CTNNA3: variants seen among roughly 807,000 people sequenced by gnomAD.
CTNNA3 encodes catenin alpha-3.
Under a neutral mutation model 95.7 loss-of-function variants are expected in CTNNA3, and 76 were observed. The ratio of observed to expected loss-of-function variants is 0.79; its 90% CI spans 0.66 to 0.96. The LOEUF (loss-of-function observed/expected upper bound fraction) is 0.96, where lower values mean the gene tolerates loss of function less well. Among genes scored for constraint, CTNNA3 ranks in the 40% least tolerant of loss-of-function variants. The pLI is 0.00. For missense variants in CTNNA3, 1,191 were observed against 1,089.8 expected (o/e 1.09, Z -1.31); for synonymous variants, 431 against 374.4 (o/e 1.15, Z -1.74).
intron 7 of CTNNA3, among the ~76,000 whole-genome samples, chr10:67,014,848 GGTCAGAGAGAT>G (rs1852559234): frequency 6.6e-6 from 1 of 151,664 alleles, no homozygotes. Flanking sequence ...GTAGAAAAAT[GGTCAGAGAGAT>G]GTATACATAC....
At chr10:66,541,369 A>T (rs765670513) in intron 10 of CTNNA3, among the ~76,000 whole-genome samples, 7 of 152,168 alleles carry the variant, frequency 4.6e-5, no homozygotes. Context: ...CATTTGCAAG[A>T]ATATTCGTGT....
intron 15 of CTNNA3, among the ~76,000 whole-genome samples, chr10:66,024,170 A>G (rs2079288863): frequency 7.1e-6 from 1 of 141,610 alleles, no homozygotes; most frequent in Middle Eastern, 3.7e-3. Context: ...GCTCACCGCA[A>G]GCTCCGCCTC....
At chr10:67,391,278 C>G (rs1271548572) in intron 5 of CTNNA3, among the ~76,000 whole-genome samples, 2 of 151,598 alleles carry the variant, frequency 1.3e-5, no homozygotes, top group Non-Finnish European at 2.9e-5. Context: ...AACAGAGACC[C>G]AAATCATGAG....
chr10:66,235,669 T>C (rs1037981), intron 13 of CTNNA3, among the ~76,000 whole-genome samples: 1,712 of 152,162 alleles, frequency 0.011, 27 homozygotes, highest in African/African-American at 0.039. Context: ...TTTAGTTAAA[T>C]TGGAAGCAAG....
intron 3 of CTNNA3, among the ~76,000 whole-genome samples, chr10:67,540,359 C>T (rs1304548131): frequency 6.6e-6 from 1 of 151,906 alleles, no homozygotes; most frequent in Non-Finnish European, 1.5e-5. Context: ...ATAATTACCA[C>T]ATCCACTATT....
chr10:67,366,892 G>C (rs1188885432), intron 5 of CTNNA3, among the ~76,000 whole-genome samples: 1 of 151,902 alleles, frequency 6.6e-6, no homozygotes, highest in African/African-American at 2.4e-5. Flanking sequence ...CTCTAAAACT[G>C]TGAGAAATAA....
intron 13 of CTNNA3, among the ~76,000 whole-genome samples, chr10:66,257,140 C>T (rs1228293264): frequency 6.6e-6 from 1 of 152,240 alleles, no homozygotes; most frequent in Non-Finnish European, 1.5e-5. Context: ...CTCTGAAATT[C>T]ATCCTCTAGA....
At chr10:67,463,739 A>G (rs1847469663) in intron 5 of CTNNA3, among the ~76,000 whole-genome samples, 1 of 152,232 alleles carries the variant, frequency 6.6e-6, no homozygotes, top group Non-Finnish European at 1.5e-5. Flanking sequence ...TAGGCTTTGC[A>G]GGCCATATAG....
At chr10:66,536,102 G>T (rs1841643441) in intron 10 of CTNNA3, among the ~76,000 whole-genome samples, 2 of 151,126 alleles carry the variant, frequency 1.3e-5, no homozygotes, top group Non-Finnish European at 2.9e-5. Context: ...GTTGAAACAG[G>T]GTGATGGATT....
chr10:67,227,372 T>C lies in CTNNA3; in HGVS notation c.580-7502A>G, dbSNP rs141208838. Among the ~76,000 whole-genome samples, 694 of 152,308 alleles carry C rather than the reference T, an allele frequency of 4.6e-3. 7 individuals carry two copies. The highest frequency in any genetic ancestry group is 0.016 in the African/African-American group (649 of 41,566). Reference sequence around the variant, plus strand: ...TCCCAAAGTGCTGGGATTAAAGGCCTGAGCCACCATGCCTGGCCAAAGGGG... The same window carrying C: ...TCCCAAAGTGCTGGGATTAAAGGCCCGAGCCACCATGCCTGGCCAAAGGGG... On this transcript the variant is annotated intron_variant, in intron 5 of 17. Coordinates refer to ENST00000433211, the MANE Select transcript of CTNNA3 (RefSeq NM_013266.4).
intron 5 of CTNNA3, among the ~76,000 whole-genome samples, chr10:67,246,845 G>T (rs547809648): frequency 3.3e-5 from 5 of 152,064 alleles, no homozygotes; most frequent in South Asian, 2.1e-4. Context: ...AGCAGAATGC[G>T]CAAGGAAAAT....
rs772272609 is a variant in CTNNA3 at position 67,566,043 on chromosome 10, GTA to G, written c.293-26376_293-26375del. On this transcript the variant is annotated intron_variant, in intron 3 of 17. Coordinates refer to ENST00000433211, the MANE Select transcript of CTNNA3 (RefSeq NM_013266.4). Reference sequence around the variant, plus strand: ...CACACACACACACATATGTGTGTGTGTATATATATATATATATATATATATAT... The same window carrying G: ...CACACACACACACATATGTGTGTGTGTATATATATATATATATATATATAT... Among the ~76,000 whole-genome samples the G allele has an allele frequency of 6.3e-3, 169 of 26,926 alleles. 12 individuals carry two copies. The highest frequency in any genetic ancestry group is 0.014 in the East Asian group (7 of 516). The allele number at this position is 26,926 out of a possible 152,430, so 17.7% of individuals were successfully genotyped here. A position where few individuals can be genotyped will look rare whatever the true frequency, so the allele number is the denominator to read the frequency against.
intron 15 of CTNNA3, among the ~76,000 whole-genome samples, chr10:66,031,408 A>T (rs2079447250): frequency 6.6e-6 from 1 of 152,200 alleles, no homozygotes; most frequent in South Asian, 2.1e-4. Flanking sequence ...TTTTGCAGCA[A>T]CGTAGATGCA....
intron 12 of CTNNA3, among the ~76,000 whole-genome samples, chr10:66,374,272 G>T (rs1257124869): frequency 6.6e-6 from 1 of 152,062 alleles, no homozygotes; most frequent in Non-Finnish European, 1.5e-5. Context: ...ATTAACTAGA[G>T]GACAAGCTCA....
At chr10:67,157,782 G>C (rs1053595290) in intron 7 of CTNNA3, among the ~76,000 whole-genome samples, 3 of 152,056 alleles carry the variant, frequency 2.0e-5, no homozygotes, top group African/African-American at 7.2e-5. Context: ...TGCCTACAGA[G>C]CCAGTTCCTG....
rs1851067141 is a variant in CTNNA3, at chr10:66,991,982, T to C, written c.1047+188335A>G. ...TTCTGTCTTGGGTCTTCTTTCACCG[T>C]ATAAATCCCAGGGTTGATTTGATCC... On this transcript the variant is annotated intron_variant, in intron 7 of 17. Coordinates refer to ENST00000433211, the MANE Select transcript of CTNNA3 (RefSeq NM_013266.4). Among the ~76,000 whole-genome samples, 3 of 152,178 alleles carry C rather than the reference T, an allele frequency of 2.0e-5. No homozygotes were observed. In the South Asian group the frequency reaches 6.2e-4, roughly 31 times the overall value.
chr10:66,166,906 T>C (rs1327008130), intron 13 of CTNNA3, among the ~76,000 whole-genome samples: 1 of 152,084 alleles, frequency 6.6e-6, no homozygotes, highest in Non-Finnish European at 1.5e-5. Context: ...TAAGGGACAT[T>C]TCAGGAAGCT....
At chr10:67,446,859 A>G (rs1846768513) in intron 5 of CTNNA3, among the ~76,000 whole-genome samples, 1 of 152,186 alleles carries the variant, frequency 6.6e-6, no homozygotes, top group African/African-American at 2.4e-5. Context: ...TAATCCCAGC[A>G]CTTTGGGAGA....
chr10:65,963,392 A>G (rs1460697191), intron 17 of CTNNA3, among the ~76,000 whole-genome samples: 2 of 152,086 alleles, frequency 1.3e-5, no homozygotes, highest in Non-Finnish European at 2.9e-5. Flanking sequence ...CCTCTATCTC[A>G]AATCCTTTCC....
Sources: gnomAD v4.1 joint callset for allele counts (sites outside exome capture counted in the v4.1 genomes callset) on GRCh38, gnomAD v4.1.1 for gene constraint, MANE v1.5 for transcripts, NCBI Gene and HGNC (gene_info 2026-07-23, HGNC 2026-07-21) for gene names.